PKN2: variants seen among roughly 807,000 people sequenced by gnomAD.
PKN2 encodes the protein serine/threonine-protein kinase N2.
Under a neutral mutation model 119.1 loss-of-function variants are expected in PKN2, and 38 were observed. The observed-to-expected ratio is 0.32, with a 90% confidence interval of 0.25 to 0.42. The LOEUF is 0.42. Ranked by LOEUF, PKN2 falls within the 10% of genes least tolerant of loss-of-function variation. The pLI is 1.00. For missense variants in PKN2, 850 were observed against 1,165.1 expected (o/e 0.73, Z 3.94); for synonymous variants, 390 against 384.9 (o/e 1.01, Z -0.15).
chr1:88,686,365 A>C (rs1178547166), intron 1 of PKN2, among the ~76,000 whole-genome samples: 3 of 152,102 alleles, frequency 2.0e-5, no homozygotes, highest in African/African-American at 7.2e-5. Flanking sequence ...ACTGGAACTG[A>C]AAATATATTT....
chr1:88,760,548 A>G (rs539126239), intron 3 of PKN2, among the ~76,000 whole-genome samples, 172 bp downstream of exon 3: 39 of 152,354 alleles, frequency 2.6e-4, no homozygotes, highest in African/African-American at 9.4e-4. Context: ...TTTGAATTAT[A>G]TGACATGCTT....
At chr1:88,755,864 G>A (rs1003657446) in intron 2 of PKN2, among the ~76,000 whole-genome samples, 4 of 151,022 alleles carry the variant, frequency 2.6e-5, no homozygotes, top group African/African-American at 9.7e-5. Context: ...CTTAAGAACA[G>A]TGTTATGTAG....
intron 8 of PKN2, among the ~76,000 whole-genome samples, chr1:88,801,036 C>A (rs1671285784): frequency 6.6e-6 from 1 of 152,076 alleles, no homozygotes; most frequent in South Asian, 2.1e-4. Flanking sequence ...GTGTAACTGA[C>A]CTGCTTCATC....
At chr1:88,816,840 C>G (rs1172796143) in intron 16 of PKN2, 7 of 152,078 alleles carry the variant, frequency 4.6e-5, no homozygotes, top group African/African-American at 1.7e-4. Flanking sequence ...TAGCATGACC[C>G]CTGTGCGAGG....
chr1:88,815,352 T>A, intron 16 of PKN2: 1 of 249,402 alleles, frequency 4.0e-6, no homozygotes, highest in Non-Finnish European at 7.8e-6. Flanking sequence ...CAAAGGTCAT[T>A]TCTTTAAAGG....
chr1:88,684,562 GA>G lies in PKN2; in HGVS notation c.-18del. On this transcript the variant is annotated 5_prime_UTR_variant, in exon 1 of 22. Transcript: ENST00000370521. Reference sequence around the variant, plus strand: ...CCAGAGGCGGCCGCGTCCAGGTGCGGAGTCCATACCGGAGCGCAATGGCGTC... The same window carrying G: ...CCAGAGGCGGCCGCGTCCAGGTGCGGGTCCATACCGGAGCGCAATGGCGTC... 1 of 1,546,254 alleles carries G rather than the reference GA, an allele frequency of 6.5e-7. No individual in the cohort carries two copies. The highest frequency in any genetic ancestry group is 1.4e-5 in the African/African-American group (1 of 71,972).
rs7513622 is a variant in PKN2, at chr1:88,714,984, C to G, written c.49-26004C>G. ...TTTATTGACTGTTTTTAGTATGAAG[C>G]GCTGTTGAATTTTGTCAAAGGCCTT... On this transcript the variant is annotated intron_variant, in intron 1 of 21. Coordinates refer to ENST00000370521, the MANE Select transcript of PKN2 (RefSeq NM_006256.4). 3.0e-3 allele frequency among the ~76,000 whole-genome samples: 453 copies of G among 152,146 alleles called. 4 individuals carry two copies. The highest frequency in any genetic ancestry group is 0.01 in the African/African-American group (430 of 41,516).
At chr1:88,744,458 G>A (rs1165638253) in intron 2 of PKN2, among the ~76,000 whole-genome samples, 1 of 152,172 alleles carries the variant, frequency 6.6e-6, no homozygotes, top group Non-Finnish European at 1.5e-5. Flanking sequence ...GTCTCCCTCT[G>A]TCACCAGGCT....
intron 1 of PKN2, among the ~76,000 whole-genome samples, chr1:88,687,704 G>C (rs1666158684): frequency 6.6e-6 from 1 of 152,144 alleles, no homozygotes; most frequent in Admixed American, 6.5e-5. Flanking sequence ...GAGGTAACTT[G>C]CTCAAGTGGA....
At chr1:88,786,598 C>G (rs1298869681) in intron 8 of PKN2, among the ~76,000 whole-genome samples, 3 of 152,100 alleles carry the variant, frequency 2.0e-5, no homozygotes, top group African/African-American at 7.2e-5. Context: ...GGTCACCCAG[C>G]CTTCTGTGTG....
At chr1:88,817,487 C>T (rs1009233440) in intron 16 of PKN2, among the ~76,000 whole-genome samples, 1 of 150,836 alleles carries the variant, frequency 6.6e-6, no homozygotes, top group African/African-American at 2.4e-5. Flanking sequence ...GTGGTTGGAG[C>T]ACCAGGTCAG....
At chr1:88,731,509 A>G (rs1668142288) in intron 1 of PKN2, among the ~76,000 whole-genome samples, 1 of 152,230 alleles carries the variant, frequency 6.6e-6, no homozygotes, top group Non-Finnish European at 1.5e-5. Context: ...AGTCAGAAGG[A>G]CTAGTAAGCT....
chr1:88,823,203 A>G (rs1184643328), intron 17 of PKN2, among the ~76,000 whole-genome samples: 2 of 152,190 alleles, frequency 1.3e-5, no homozygotes, highest in Non-Finnish European at 2.9e-5. Flanking sequence ...TAGACAACAG[A>G]GTGAGTACCT....
In PKN2 at chr1:88,821,994, T is replaced by G; in HGVS notation, c.2333T>G (p.Ile778Ser). 13 of 1,571,630 alleles carry G rather than the reference T, an allele frequency of 8.3e-6. No individual in the cohort carries two copies. The highest frequency in any genetic ancestry group is 1.1e-5 in the Non-Finnish European group (13 of 1,162,694). ...LGLQYLHEHK[I>S]VYRDLKLDNL... ...TTGCAGTATTTACATGAACACAAAA[T>G]TGTTTATAGGTAAGTTAATTTTTAA... The change falls in exon 17 of 22, where the codon ATT becomes AGT. Residue 778 changes from isoleucine (I) to serine (S), a missense_variant. By Grantham distance (142) the Ile-to-Ser change is moderately radical (BLOSUM62 -2). Around this residue, in one of 9 missense-constraint regions of PKN2, gnomAD observed 55 missense variants for 85.9 expected, o/e 0.64. Coordinates refer to ENST00000370521, the MANE Select transcript of PKN2 (RefSeq NM_006256.4).
chr1:88,770,743 G>C (rs1390270898), intron 4 of PKN2, among the ~76,000 whole-genome samples: 1 of 151,392 alleles, frequency 6.6e-6, no homozygotes, highest in Admixed American at 6.6e-5. Flanking sequence ...CCGCCACTAC[G>C]CCCGGCTAAT....
intron 19 of PKN2, chr1:88,829,235 A>G (rs566754503): frequency 3.1e-5 from 22 of 712,538 alleles, no homozygotes; most frequent in South Asian, 2.3e-4. Flanking sequence ...GATAAAAGCC[A>G]TGTTGAGTGG....
In PKN2 at chr1:88,684,605, G is replaced by A; in HGVS notation, c.25G>A (p.Glu9Lys). 6.4e-7 allele frequency: 1 copy of A among 1,564,568 alleles called. No homozygotes were observed. Among genetic ancestry groups the A allele is most frequent in the South Asian group, 1.2e-5 (1 of 85,688 alleles). Residue 9 changes from glutamate to lysine, a missense_variant, in exon 1 of 22, where the codon GAG becomes AAG. Transcript: ENST00000370521. ...AATGGCGTCCAACCCCGAACGGGGG[G>A]AGATTCTGCTCACGGAACTGCAGGT... MASNPERG[E>K]ILLTELQGDS...
chr1:88,765,915 G>A (rs1669651784), intron 3 of PKN2, among the ~76,000 whole-genome samples: 1 of 152,168 alleles, frequency 6.6e-6, no homozygotes, highest in South Asian at 2.1e-4. Flanking sequence ...AGGTTCAAGT[G>A]ATTCTCGTGC....
intron 18 of PKN2, among the ~76,000 whole-genome samples, chr1:88,827,892 GTT>G (rs1162601544): frequency 6.6e-6 from 1 of 151,206 alleles, no homozygotes; most frequent in Non-Finnish European, 1.5e-5. Context: ...GCTAATTTTT[GTT>G]TTTGTTTTTT....
Sources: allele counts gnomAD v4.1 joint callset (sites outside exome capture counted in the v4.1 genomes callset), GRCh38; gene constraint gnomAD v4.1.1; regional missense constraint gnomAD v4.1.1; transcripts MANE v1.5; gene names NCBI Gene and HGNC (gene_info 2026-07-23, HGNC 2026-07-21).